NCAN: variants seen among roughly 807,000 people sequenced by gnomAD.
The protein encoded by NCAN is neurocan, also known as neurocan core protein.
In NCAN, 47 loss-of-function variants were observed where a neutral mutation model predicts 121.8. The ratio of observed to expected loss-of-function variants is 0.39; its 90% CI spans 0.31 to 0.49. NCAN has a LOEUF of 0.49. Ranked by LOEUF, NCAN falls within the 20% of genes least tolerant of loss-of-function variation. The probability of loss-of-function intolerance (pLI) is 0.92; values close to 1 mark genes in which losing one functional copy is unlikely to be tolerated. For synonymous variants in NCAN, 633 were observed against 702.0 expected (o/e 0.90, Z 1.55); for missense variants, 1,517 against 1,773.4 (o/e 0.86, Z 2.60).
rs1318582265 is a variant in NCAN, at chr19:19,238,415, G to A, written c.3409+4G>A. The A allele has an allele frequency of 4.3e-6, 7 of 1,614,066 alleles. No homozygotes were observed. In the South Asian group the frequency reaches 4.4e-5, roughly 10 times the overall value. Reference sequence around the variant, plus strand: ...GAGGAACACAGCTTCATTAATAGTAGGGGCTCTGGGGAGGGGGCCACCTGC... The same window carrying A: ...GAGGAACACAGCTTCATTAATAGTAAGGGCTCTGGGGAGGGGGCCACCTGC... On this transcript the variant is annotated splice_donor_region_variant and intron_variant, in intron 11 of 14. Coordinates refer to ENST00000252575, the MANE Select transcript of NCAN (RefSeq NM_004386.3).
chr19:19,227,610 A>G lies in NCAN; in HGVS notation c.1990A>G (p.Thr664Ala). The G allele has an allele frequency of 6.2e-7, 1 of 1,613,584 alleles. No individual in the cohort carries two copies. The highest frequency in any genetic ancestry group is 8.5e-7 in the Non-Finnish European group (1 of 1,179,954). Residue 664 changes from threonine (T) to alanine (A), a missense_variant, in exon 8 of 15, where the codon ACC (threonine) becomes GCC (alanine). Physicochemically the swap from Thr to Ala is moderately conservative, Grantham distance 58. Coordinates refer to ENST00000252575, the MANE Select transcript of NCAN (RefSeq NM_004386.3). This position sits in a 1 kb window ranked among gnomAD's most constrained non-coding sequence, Gnocchi z 4.2. Reference sequence around the variant, plus strand: ...TAGAGTTGAGGCACATGGTGAGGCCACCGCCACGGCTCCACCCTCCCCTGC... The same window carrying G: ...TAGAGTTGAGGCACATGGTGAGGCCGCCGCCACGGCTCCACCCTCCCCTGC... ...ANRVEAHGEA[T>A]ATAPPSPAAE...
intron 10 of NCAN, among the ~76,000 whole-genome samples, chr19:19,236,213 G>T (rs149621173): frequency 6.6e-6 from 1 of 152,186 alleles, no homozygotes; most frequent in East Asian, 1.9e-4. Flanking sequence ...CCACTAATCT[G>T]CTTTCTGTCT....
intron 13 of NCAN, 109 bp downstream of exon 13, chr19:19,245,566 C>T (rs908724606): frequency 7.6e-6 from 10 of 1,317,134 alleles, no homozygotes; most frequent in East Asian, 2.5e-5. Flanking sequence ...CAGCCTCCAC[C>T]GCCTGGGTTC....
At chr19:19,229,028 C>G (rs1334886003) in intron 8 of NCAN, among the ~76,000 whole-genome samples, 1 of 152,048 alleles carries the variant, frequency 6.6e-6, no homozygotes, top group Non-Finnish European at 1.5e-5. Context: ...GCCAACATGG[C>G]AAAACTCCGT....
chr19:19,221,226 G>C (rs1046789603), intron 3 of NCAN, among the ~76,000 whole-genome samples: 1 of 146,744 alleles, frequency 6.8e-6, no homozygotes, highest in Non-Finnish European at 1.5e-5. Context: ...GGGCAACACA[G>C]CAAGACCCTG....
At chr19:19,221,461 G>A (rs1209873178) in intron 3 of NCAN, among the ~76,000 whole-genome samples, 1 of 151,598 alleles carries the variant, frequency 6.6e-6, no homozygotes, top group Non-Finnish European at 1.5e-5. Flanking sequence ...CCAGCTACTC[G>A]GGAGGCTGAG....
intron 2 of NCAN, among the ~76,000 whole-genome samples, chr19:19,217,575 T>C (rs1283203852): frequency 6.6e-6 from 1 of 152,246 alleles, no homozygotes; most frequent in African/African-American, 2.4e-5. Flanking sequence ...CATTTCCTTT[T>C]CATTAGCTGT....
chr19:19,244,299 C>T (rs2060915705), intron 12 of NCAN, among the ~76,000 whole-genome samples: 1 of 144,808 alleles, frequency 6.9e-6, no homozygotes, highest in South Asian at 2.2e-4. Context: ...CCTGTCTGAA[C>T]CCTTACTATC....
In NCAN at chr19:19,225,321, G is replaced by A. The variant is rs1337148536; in HGVS notation, c.1072+51G>A. ...CCCCCAGGGCTTTCACTTTGGCGAA[G>A]GCCACGTCCCTGAAAGCCTCGCCAA... On this transcript the variant is annotated intron_variant, in intron 6 of 14. Transcript: ENST00000252575. The surrounding 1 kb of genome is among the most constrained non-coding windows in gnomAD (Gnocchi z 4.0). 6.8e-7 allele frequency: 1 copy of A among 1,462,726 alleles called. No homozygotes were observed. Among genetic ancestry groups the A allele is most frequent in the Non-Finnish European group, 8.9e-7 (1 of 1,121,830 alleles). The allele number at this position is 1,462,726 out of a possible 1,614,324, so 90.6% of individuals were successfully genotyped here.
At chr19:19,229,169 C>G (rs991968391) in intron 8 of NCAN, among the ~76,000 whole-genome samples, 2 of 152,204 alleles carry the variant, frequency 1.3e-5, no homozygotes, top group African/African-American at 4.8e-5. Context: ...GATTGTACCA[C>G]TGCACTTCCA....
chr19:19,225,137 C>A lies in NCAN; in HGVS notation c.939C>A (p.Ser313Arg). ...ACCCGGGCTGGCTGGCCGACGGCAG[C>A]GTGCGCTACCCGATCCAGACGCCGC... is the stretch of plus-strand genomic sequence containing the variant. ...QCDPGWLADGSVRYPIQTPRR... is the reference protein window; with the variant it reads ...QCDPGWLADGRVRYPIQTPRR... Residue 313 changes from serine to arginine, a missense_variant, in exon 6 of 15, where the codon AGC (serine) becomes AGA (arginine). Transcript: ENST00000252575. This position sits in a 1 kb window ranked among gnomAD's most constrained non-coding sequence, Gnocchi z 4.0. The A allele has an allele frequency of 1.3e-6, 2 of 1,530,324 alleles. No individual in the cohort carries two copies. Among genetic ancestry groups the A allele is most frequent in the South Asian group, 1.2e-5 (1 of 83,604 alleles). The allele number at this position is 1,530,324 out of a possible 1,614,324, so 94.8% of individuals were successfully genotyped here. A position where few individuals can be genotyped will look rare whatever the true frequency, so the allele number is the denominator to read the frequency against.
chr19:19,217,059 G>A, intron 2 of NCAN, 33 bp downstream of exon 2: 1 of 1,304,534 alleles, frequency 7.7e-7, no homozygotes, highest in Non-Finnish European at 9.9e-7. Flanking sequence ...AGAGATTGGG[G>A]TCTAGGGGAT....
chr19:19,235,580 T>TTA (rs1441079866), intron 10 of NCAN, among the ~76,000 whole-genome samples: 2 of 145,614 alleles, frequency 1.4e-5, no homozygotes, highest in African/African-American at 5.4e-5. Context: ...CCTATTTTAT[T>TTA]TTATTTTTTT....
chr19:19,239,162 A>G (rs28541794), intron 11 of NCAN, among the ~76,000 whole-genome samples: 15,037 of 152,038 alleles, frequency 0.099, 1,466 homozygotes, highest in African/African-American at 0.25. Context: ...GCAAAGATGC[A>G]ACAGTGCCCG....
At position 19,250,105 on chromosome 19, in the gene NCAN, T is replaced by G; in HGVS notation, c.*194T>G. Reference sequence around the variant, plus strand: ...ACATACACAAGATCCTCTTGGCAGGTGGAGCCAGGTGTCTGAAAAGTTCAT... The same window carrying G: ...ACATACACAAGATCCTCTTGGCAGGGGGAGCCAGGTGTCTGAAAAGTTCAT... On this transcript the variant is annotated 3_prime_UTR_variant, in exon 15 of 15. Transcript: ENST00000252575. 1 of 728,604 alleles carries G rather than the reference T, an allele frequency of 1.4e-6. No homozygotes were observed. The allele number at this position is 728,604 out of a possible 1,614,324, so 45.1% of individuals were successfully genotyped here. A position where few individuals can be genotyped will look rare whatever the true frequency, so the allele number is the denominator to read the frequency against.
Position 19,227,367 on chromosome 19 carries a change from C to T in NCAN, c.1747C>T (p.Pro583Ser), listed in dbSNP as rs780252481. Reference sequence around the variant, plus strand: ...CAGCATCTCAGGCCACAGCAGGGCCCCTGTCCTGGAGCTAGAGAAAGCCGA... The same window carrying T: ...CAGCATCTCAGGCCACAGCAGGGCCTCTGTCCTGGAGCTAGAGAAAGCCGA... ...PPSISGHSRA[P>S]VLELEKAEGP... The change falls in exon 8 of 15, where the codon CCT becomes TCT. Residue 583 changes from proline to serine, a missense_variant. Transcript: ENST00000252575. This position sits in a 1 kb window ranked among gnomAD's most constrained non-coding sequence, Gnocchi z 4.2. 7.4e-6 allele frequency: 12 copies of T among 1,613,386 alleles called. No individual in the cohort carries two copies. Among genetic ancestry groups the T allele is most frequent in the South Asian group, 4.4e-5 (4 of 91,054 alleles).
In NCAN at chr19:19,250,247, A is replaced by G. The variant is rs1242554021; in HGVS notation, c.*336A>G. 2 of 489,286 alleles carry G rather than the reference A, an allele frequency of 4.1e-6. No homozygotes were observed. Among genetic ancestry groups the G allele is most frequent in the Admixed American group, 5.2e-5 (2 of 38,634 alleles). The allele number at this position is 489,286 out of a possible 1,614,324, so 30.3% of individuals were successfully genotyped here. A position where few individuals can be genotyped will look rare whatever the true frequency, so the allele number is the denominator to read the frequency against. On this transcript the variant is annotated 3_prime_UTR_variant, in exon 15 of 15. Transcript: ENST00000252575. ...TTGAAGCAGGCCTTGATGAGGGTGC[A>G]TGAGTGTATGTTTGCATTCACATGA...
chr19:19,226,543 G>A lies in NCAN; in HGVS notation c.1130G>A (p.Gly377Glu). ...DLETPSSGDE[G>E]EILSAEGPPV... ...GAGACCCCATCCTCTGGGGATGAGG[G>A]GGAGATTCTGTCAGCAGAGGGGCCC... Residue 377 changes from glycine (G) to glutamate (E), a missense_variant, in exon 7 of 15, where the codon GGG (glycine) becomes GAG (glutamate). Coordinates refer to ENST00000252575, the MANE Select transcript of NCAN (RefSeq NM_004386.3). The A allele has an allele frequency of 3.7e-6, 6 of 1,612,970 alleles. No individual in the cohort carries two copies. Among genetic ancestry groups the A allele is most frequent in the Non-Finnish European group, 4.2e-6 (5 of 1,179,192 alleles).
chr19:19,224,506 C>T (rs1368963011), intron 5 of NCAN, 73 bp downstream of exon 5: 5 of 1,543,630 alleles, frequency 3.2e-6, no homozygotes, highest in Non-Finnish European at 2.6e-6. Flanking sequence ...CAACTCCCAT[C>T]CTCCGGGGTC....
Sources: gnomAD v4.1 joint callset for allele counts (sites outside exome capture counted in the v4.1 genomes callset) on GRCh38, gnomAD v4.1.1 for gene constraint, Gnocchi (gnomAD v3.1) non-coding constraint, MANE v1.5 for transcripts, NCBI Gene and HGNC (gene_info 2026-07-23, HGNC 2026-07-21) for gene names.